OTC: variants seen among roughly 807,000 people sequenced by gnomAD.
OTC encodes the protein ornithine transcarbamylase.
Under a neutral mutation model 30.3 loss-of-function variants are expected in OTC, and 3 were observed. The ratio of observed to expected loss-of-function variants is 0.10; its 90% CI spans 0.05 to 0.26. The LOEUF (loss-of-function observed/expected upper bound fraction) is 0.26, where lower values mean the gene tolerates loss of function less well. Among genes scored for constraint, OTC ranks in the 10% least tolerant of loss-of-function variants. The probability of loss-of-function intolerance (pLI) is 1.00; values close to 1 mark genes in which losing one functional copy is unlikely to be tolerated. For missense variants in OTC, 194 were observed against 260.3 expected (o/e 0.75, Z 1.75); for synonymous variants, 111 against 99.7 (o/e 1.11, Z -0.67).
chrX:38,365,709 C>T (rs2068292304), intron 1 of OTC, among the ~76,000 whole-genome samples: 1 of 112,175 alleles, frequency 8.9e-6, no homozygotes, highest in East Asian at 2.8e-4. Flanking sequence ...CAGGATGATA[C>T]CTGAGAAATT....
intron 3 of OTC, among the ~76,000 whole-genome samples, chrX:38,372,375 C>T (rs1421799293): frequency 1.8e-5 from 2 of 111,117 alleles, no homozygotes; most frequent in Admixed American, 9.6e-5. Flanking sequence ...AATGGCAGAC[C>T]CAGGATTGGA....
chrX:38,342,464 T>C, the OTC span, among the ~76,000 whole-genome samples: 2 of 111,648 alleles, frequency 1.8e-5, no homozygotes, highest in Non-Finnish European at 3.8e-5. Context: ...ATGGTAGTAG[T>C]TAACAAAAGC....
At chrX:38,381,983 GA>G (rs1312276584) in intron 4 of OTC, among the ~76,000 whole-genome samples, 2 of 111,797 alleles carry the variant, frequency 1.8e-5, no homozygotes, top group Non-Finnish European at 3.8e-5. Context: ...TGGTAAAAGG[GA>G]AGAACAGGTT....
chrX:38,369,649 C>A, intron 2 of OTC, 147 bp from the exon 3 acceptor site: 1 of 279,260 alleles, frequency 3.6e-6, no homozygotes, highest in Non-Finnish European at 6.4e-6. Context: ...CATGAACCAC[C>A]ACACCTGGCC....
intron 9 of OTC, among the ~76,000 whole-genome samples, chrX:38,415,025 C>A (rs58012155): frequency 0.14 from 15,841 of 110,355 alleles, 1,051 homozygotes; most frequent in East Asian, 0.45. Flanking sequence ...ACCTTAGAGA[C>A]TATCCACGCT....
At chrX:38,339,698 C>T in the OTC span, among the ~76,000 whole-genome samples, 4 of 110,640 alleles carry the variant, frequency 3.6e-5, no homozygotes, top group Non-Finnish European at 3.8e-5. Flanking sequence ...CCTTACTTAC[C>T]CTTTAACGTT....
intron 4 of OTC, among the ~76,000 whole-genome samples, chrX:38,398,224 G>T (rs2068466805): frequency 9.0e-6 from 1 of 111,557 alleles, no homozygotes; most frequent in Non-Finnish European, 1.9e-5. Context: ...TAGCATTTCT[G>T]TCTTTCAGTC....
At chrX:38,333,173 C>T in the OTC span, among the ~76,000 whole-genome samples, 1 of 103,804 alleles carries the variant, frequency 9.6e-6, no homozygotes, top group Non-Finnish European at 2.0e-5. Flanking sequence ...CGAGATCGCA[C>T]CACTGCACTC....
At chrX:38,394,917 G>T (rs756565616) in intron 4 of OTC, among the ~76,000 whole-genome samples, 4 of 110,689 alleles carry the variant, frequency 3.6e-5, no homozygotes, top group Admixed American at 9.7e-5. Context: ...GCAGAGGTAA[G>T]AAGTAATTGG....
chrX:38,400,802 TCA>T (rs1416050320), intron 4 of OTC, among the ~76,000 whole-genome samples: 2 of 112,872 alleles, frequency 1.8e-5, no homozygotes, highest in African/African-American at 6.4e-5. Context: ...ATGGCTCTCC[TCA>T]CAGCAAGTTC....
At chrX:38,346,498 A>C in the OTC span, among the ~76,000 whole-genome samples, 1 of 112,765 alleles carries the variant, frequency 8.9e-6, no homozygotes, top group South Asian at 3.7e-4. Context: ...AAAAACCTAT[A>C]TGCAAATGTT....
the OTC span, among the ~76,000 whole-genome samples, chrX:38,346,755 GGA>G: frequency 4.8e-3 from 535 of 112,133 alleles, 5 homozygotes; most frequent in African/African-American, 0.016. Context: ...AAACTATAAG[GGA>G]GAGAGGAGAA....
At chrX:38,340,977 T>C in the OTC span, among the ~76,000 whole-genome samples, 1 of 110,897 alleles carries the variant, frequency 9.0e-6, no homozygotes, top group Non-Finnish European at 1.9e-5. Context: ...TTTGTATTTT[T>C]AGTAGAGACA....
At chrX:38,393,324 G>A (rs1037149121) in intron 4 of OTC, among the ~76,000 whole-genome samples, 3 of 112,306 alleles carry the variant, frequency 2.7e-5, no homozygotes, top group East Asian at 2.8e-4. Context: ...AAAATACCAC[G>A]TTGTTTACAT....
At chrX:38,333,999 T>C in the OTC span, among the ~76,000 whole-genome samples, 1 of 112,384 alleles carries the variant, frequency 8.9e-6, no homozygotes, top group Non-Finnish European at 1.9e-5. Context: ...GCAGGTACAG[T>C]CTACTGCACA....
chrX:38,398,084 CTTTTGA>C (rs2068465992), intron 4 of OTC, among the ~76,000 whole-genome samples: 1 of 111,890 alleles, frequency 8.9e-6, no homozygotes, highest in South Asian at 3.7e-4. Flanking sequence ...GCATGCTTAT[CTTTTGA>C]CTGCTTTGCT....
intron 1 of OTC, among the ~76,000 whole-genome samples, chrX:38,356,806 A>T (rs757225205): frequency 9.0e-6 from 1 of 111,673 alleles, no homozygotes; most frequent in South Asian, 3.8e-4. Flanking sequence ...TGTCTCTATC[A>T]ATAATTTATA....
At chrX:38,330,367 G>A in the OTC span, among the ~76,000 whole-genome samples, 1 of 112,180 alleles carries the variant, frequency 8.9e-6, no homozygotes, top group African/African-American at 3.2e-5. Flanking sequence ...GATAATAAAT[G>A]GGTATTGTTT....
the OTC span, among the ~76,000 whole-genome samples, chrX:38,331,852 G>T: frequency 9.0e-6 from 1 of 111,213 alleles, no homozygotes; most frequent in Non-Finnish European, 1.9e-5. Flanking sequence ...AAACTGCTGG[G>T]ATTACAGGTA....
Sources: allele counts gnomAD v4.1 joint callset (sites outside exome capture counted in the v4.1 genomes callset), GRCh38; gene constraint gnomAD v4.1.1; transcripts MANE v1.5; gene names NCBI Gene and HGNC (gene_info 2026-07-23, HGNC 2026-07-21).